The following USH2A variants were observed in gnomAD, a reference collection of about 807,000 sequenced individuals.
USH2A encodes Usher syndrome 2A (autosomal recessive, mild).
In USH2A, 443 loss-of-function variants were observed where a neutral mutation model predicts 538.9. The observed-to-expected ratio is 0.82, with a 90% CI of 0.76 to 0.89. USH2A has a LOEUF of 0.89. Ranked by LOEUF, USH2A falls within the 40% of genes least tolerant of loss-of-function variation. The pLI is 0.00. For missense variants in USH2A, 6,633 were observed against 6,324.8 expected, an observed-to-expected ratio of 1.05 and a Z score of -1.65; for synonymous variants, 2,413 against 2,273.5, an observed-to-expected ratio of 1.06 and a Z score of -1.75.
intron 4 of USH2A, among the ~76,000 whole-genome samples, chr1:216,329,097 T>A (rs1356884421): frequency 6.6e-6 from 1 of 152,126 alleles, no homozygotes; most frequent in African/African-American, 2.4e-5. Flanking sequence ...CTCTACTCTA[T>A]CTATCCTAAA....
intron 40 of USH2A, among the ~76,000 whole-genome samples, chr1:215,897,504 T>C (rs888836584): frequency 2.0e-5 from 3 of 151,942 alleles, no homozygotes; most frequent in African/African-American, 4.8e-5. Context: ...CTGGCCAACA[T>C]GGTGAAACCC....
At chr1:215,663,365 A>C (rs557581629) in intron 64 of USH2A, among the ~76,000 whole-genome samples, 1 of 152,314 alleles carries the variant, frequency 6.6e-6, no homozygotes, top group Non-Finnish European at 1.5e-5. Flanking sequence ...AGAAAGGTGA[A>C]GTTATCAGAA....
At chr1:215,710,347 C>T (rs1052591261) in intron 61 of USH2A, among the ~76,000 whole-genome samples, 2 of 152,160 alleles carry the variant, frequency 1.3e-5, no homozygotes, top group Non-Finnish European at 2.9e-5. Context: ...ACATGAAATG[C>T]TCAGATGTAT....
chr1:216,059,198 G>A (rs1179696920), intron 30 of USH2A, among the ~76,000 whole-genome samples: 1 of 152,120 alleles, frequency 6.6e-6, no homozygotes, highest in Non-Finnish European at 1.5e-5. Context: ...ATATAGAGTA[G>A]CATTTTAATT....
intron 61 of USH2A, among the ~76,000 whole-genome samples, chr1:215,707,684 T>C (rs1268341678): frequency 6.6e-6 from 1 of 152,226 alleles, no homozygotes; most frequent in Non-Finnish European, 1.5e-5. Flanking sequence ...CACAGTCAAA[T>C]TATGTCTTTT....
chr1:215,777,545 C>G (rs1354146250), intron 55 of USH2A, among the ~76,000 whole-genome samples: 2 of 152,200 alleles, frequency 1.3e-5, no homozygotes, highest in Non-Finnish European at 2.9e-5. Context: ...TTTCAAAACC[C>G]TGTAATTAAC....
chr1:216,414,734 A>G (rs1439835198), intron 3 of USH2A, among the ~76,000 whole-genome samples: 1 of 152,082 alleles, frequency 6.6e-6, no homozygotes, highest in African/African-American at 2.4e-5. Context: ...TCACATGCAC[A>G]GAAACACACA....
At chr1:215,775,720 T>C (rs1429014630) in intron 55 of USH2A, among the ~76,000 whole-genome samples, 1 of 152,252 alleles carries the variant, frequency 6.6e-6, no homozygotes, top group East Asian at 1.9e-4. Context: ...TTTTCTCTTT[T>C]TCCAAGGTGA....
intron 49 of USH2A, among the ~76,000 whole-genome samples, chr1:215,804,227 A>G (rs1318518139): frequency 6.6e-6 from 1 of 152,108 alleles, no homozygotes; most frequent in Non-Finnish European, 1.5e-5. Context: ...GGCATGGGCA[A>G]GGACTTCATG....
chr1:215,770,953 A>C (rs1424700528), intron 55 of USH2A, among the ~76,000 whole-genome samples: 2 of 150,472 alleles, frequency 1.3e-5, no homozygotes, highest in Non-Finnish European at 3.0e-5. Context: ...AAAAAAAAAA[A>C]AAAAAAAAAA....
rs1167540054 is a variant in USH2A, at chr1:215,786,726, C to T, written c.10331G>A (p.Cys3444Tyr). The T allele has an allele frequency of 6.2e-7, 1 of 1,613,988 alleles. No individual in the cohort carries two copies. Among genetic ancestry groups the T allele is most frequent in the East Asian group, 2.2e-5 (1 of 44,872 alleles). ...ATGAATGGTTTCTTCGGCAGATGAA[C>T]ACATTTCTTCAATTGATGCCTTCCC... ...STGKASIEEM[C>Y]SSAEETIHTG... Residue 3444 changes from cysteine (C) to tyrosine (Y), a missense_variant, in exon 52 of 72, where the codon TGT (cysteine) becomes TAT (tyrosine). Coordinates refer to ENST00000307340, the MANE Select transcript of USH2A (RefSeq NM_206933.4).
intron 17 of USH2A, 42 bp from the exon 18 acceptor site, chr1:216,198,626 A>G (rs755590200): frequency 3.1e-6 from 5 of 1,588,048 alleles, no homozygotes; most frequent in Non-Finnish European, 4.3e-6. Context: ...TCATCAGACA[A>G]AGGGGTTACT....
rs780581599 is a variant in USH2A, at chr1:216,394,720, C to CTTTTT, written c.651+23789_651+23793dup. Among the ~76,000 whole-genome samples, 56 of 120,320 alleles carry CTTTTT rather than the reference C, an allele frequency of 4.7e-4. 3 individuals carry two copies. Among genetic ancestry groups the CTTTTT allele is most frequent in the Admixed American group, 5.6e-4 (6 of 10,698 alleles). 78.9% of individuals were successfully genotyped at this position (120,320 alleles called of 152,430 possible). The stretch of plus-strand genomic sequence containing the variant: ...CTTAAGGCCTAATAACTGGTCCAGT[C>CTTTTT]TTTTTTTTTTTTTTTTGAGACAGAG... On this transcript the variant is annotated intron_variant, in intron 3 of 71. Transcript: ENST00000307340.
intron 2 of USH2A, among the ~76,000 whole-genome samples, chr1:216,420,042 A>G (rs911807770): frequency 7.9e-5 from 12 of 152,166 alleles, no homozygotes; most frequent in Admixed American, 6.6e-5. Context: ...AAGTAGAAAT[A>G]AAAGTTTTAT....
At chr1:216,149,257 G>A (rs1486267500) in intron 21 of USH2A, among the ~76,000 whole-genome samples, 2 of 152,108 alleles carry the variant, frequency 1.3e-5, no homozygotes, top group Non-Finnish European at 2.9e-5. Context: ...TTCCTACCGG[G>A]TCTGAGAAGG....
At chr1:215,869,871 G>A (rs1030138190) in intron 43 of USH2A, among the ~76,000 whole-genome samples, 2 of 152,148 alleles carry the variant, frequency 1.3e-5, no homozygotes, top group Non-Finnish European at 2.9e-5. Flanking sequence ...TACTTTAAGA[G>A]ATTTCACAAT....
intron 4 of USH2A, among the ~76,000 whole-genome samples, chr1:216,346,380 G>C (rs1254955571): frequency 2.0e-5 from 3 of 152,108 alleles, no homozygotes; most frequent in Non-Finnish European, 4.4e-5. Flanking sequence ...GAAATGGATA[G>C]ATCCCTCTCA....
chr1:216,032,318 G>C (rs945866633), intron 32 of USH2A, among the ~76,000 whole-genome samples: 2 of 152,070 alleles, frequency 1.3e-5, no homozygotes, highest in African/African-American at 4.8e-5. Context: ...AGAGTTATGG[G>C]ACCTATGCTA....
intron 42 of USH2A, 80 bp from the exon 43 acceptor site, chr1:215,877,960 A>T (rs1218797182): frequency 5.0e-6 from 8 of 1,590,350 alleles, no homozygotes; most frequent in Non-Finnish European, 6.9e-6. Flanking sequence ...GTTCTGTGGC[A>T]TGTGCGTGTG....
Sources: allele counts gnomAD v4.1 joint callset (sites outside exome capture counted in the v4.1 genomes callset), GRCh38; gene constraint gnomAD v4.1.1; transcripts MANE v1.5; gene names NCBI Gene and HGNC (gene_info 2026-07-23, HGNC 2026-07-21).